The following WDR7 variants were observed in gnomAD, a reference collection of about 807,000 sequenced individuals.
The protein encoded by WDR7 is WD repeat domain 7, also known as WD repeat-containing protein 7.
Under a neutral mutation model 169.4 loss-of-function variants are expected in WDR7, and 46 were observed. That is an observed-to-expected ratio of 0.27 (90% CI 0.21 to 0.35). WDR7 has a LOEUF of 0.35. Among genes scored for constraint, WDR7 ranks in the 10% least tolerant of loss-of-function variants. The pLI is 1.00. For missense variants in WDR7, 1,534 were observed against 1,859.3 expected (o/e 0.83, Z 3.22); for synonymous variants, 612 against 666.8 (o/e 0.92, Z 1.27).
Position 56,783,559 on chromosome 18 carries a change from A to G in WDR7, c.3190+1903A>G, listed in dbSNP as rs537576576. ...AATGCTATTATGGAAATATTGAGAC[A>G]TTGGTGCTTTTAAGACATCTTTATT... On this transcript the variant is annotated intron_variant, in intron 19 of 27. Coordinates refer to ENST00000254442, the MANE Select transcript of WDR7 (RefSeq NM_015285.3). Among the ~76,000 whole-genome samples the G allele has an allele frequency of 3.9e-5, 6 of 152,294 alleles. No individual in the cohort carries two copies. In the East Asian group the frequency reaches 1.2e-3, roughly 29 times the overall value.
At chr18:56,733,373 C>T (rs1209802173) in intron 14 of WDR7, among the ~76,000 whole-genome samples, 1 of 152,128 alleles carries the variant, frequency 6.6e-6, no homozygotes, top group African/African-American at 2.4e-5. Flanking sequence ...ATTTAAAGAG[C>T]TGTCCTCTGG....
Position 56,657,127 on chromosome 18 carries a change from C to T in WDR7, c.-20+5551C>T, listed in dbSNP as rs2024793079. Among the ~76,000 whole-genome samples, 3 of 151,068 alleles carry T rather than the reference C, an allele frequency of 2.0e-5. No homozygotes were observed. In the South Asian group the frequency reaches 6.3e-4, roughly 32 times the overall value. On this transcript the variant is annotated intron_variant, in intron 1 of 27. Coordinates refer to ENST00000254442, the MANE Select transcript of WDR7 (RefSeq NM_015285.3). ...CCTTTATTCCTGGGTTTATCTGTTACATCTCCCTGTGACAGTTTTTTAATT... is the reference window on the plus strand; with the variant it reads ...CCTTTATTCCTGGGTTTATCTGTTATATCTCCCTGTGACAGTTTTTTAATT...
chr18:56,860,915 A>G (rs543454448), intron 20 of WDR7, among the ~76,000 whole-genome samples: 2 of 152,216 alleles, frequency 1.3e-5, no homozygotes, highest in South Asian at 2.1e-4. Context: ...TTTGTATCAT[A>G]TAATACATGA....
chr18:56,802,911 G>GT (rs144799605), intron 19 of WDR7, among the ~76,000 whole-genome samples: 1,778 of 144,650 alleles, frequency 0.012, 28 homozygotes, highest in Middle Eastern at 0.039. Flanking sequence ...TTTCTCCTGT[G>GT]TTTTTTTTTT....
intron 20 of WDR7, among the ~76,000 whole-genome samples, chr18:56,864,295 A>T (rs1183341510): frequency 6.6e-6 from 1 of 151,546 alleles, no homozygotes; most frequent in Non-Finnish European, 1.5e-5. Context: ...ATCAAATATC[A>T]TCTGGTTAAA....
At chr18:56,816,725 TAA>T (rs1217834513) in intron 20 of WDR7, among the ~76,000 whole-genome samples, 2 of 152,034 alleles carry the variant, frequency 1.3e-5, no homozygotes, top group Admixed American at 1.3e-4. Context: ...TTTATACTCT[TAA>T]GGCAGTTTCA....
rs912542840 is a variant in WDR7, at chr18:57,029,761, A to G, written c.*2554A>G. On this transcript the variant is annotated 3_prime_UTR_variant, in exon 28 of 28. Transcript: ENST00000254442. ...ATGTGTGCTGAATGTTCCTGTGTAC[A>G]TATGTGTGTTAAATAAAACAATTGT... 6.6e-5 allele frequency: 10 copies of G among 152,216 alleles called. No homozygotes were observed. The highest frequency in any genetic ancestry group is 2.2e-4 in the African/African-American group (9 of 41,456). The allele number at this position is 152,216 out of a possible 1,614,324, so 9.4% of individuals were successfully genotyped here.
intron 26 of WDR7, among the ~76,000 whole-genome samples, chr18:56,982,901 A>T (rs894676386): frequency 6.6e-6 from 1 of 152,198 alleles, no homozygotes; most frequent in African/African-American, 2.4e-5. Flanking sequence ...TCTAAAATCT[A>T]TGTCTGTCTT....
intron 1 of WDR7, among the ~76,000 whole-genome samples, chr18:56,666,975 A>ACAGAGCGTTATTTC (rs1159161685): frequency 6.6e-6 from 1 of 151,804 alleles, no homozygotes; most frequent in Non-Finnish European, 1.5e-5. Context: ...ACAGCAGGAG[A>ACAGAGCGTTATTTC]CAGAGCGTTA....
intron 19 of WDR7, among the ~76,000 whole-genome samples, chr18:56,802,008 T>C (rs1335224012): frequency 6.6e-6 from 1 of 152,196 alleles, no homozygotes; most frequent in African/African-American, 2.4e-5. Context: ...ATTGCTTAGT[T>C]ATATAAGAGT....
chr18:56,833,358 G>T (rs1305255006), intron 20 of WDR7, among the ~76,000 whole-genome samples: 1 of 152,008 alleles, frequency 6.6e-6, no homozygotes, highest in Admixed American at 6.6e-5. Context: ...GGGACTATGG[G>T]ACTATGGGAG....
chr18:56,841,487 A>G (rs1207279085), intron 20 of WDR7, among the ~76,000 whole-genome samples: 2 of 151,474 alleles, frequency 1.3e-5, no homozygotes, highest in Non-Finnish European at 2.9e-5. Flanking sequence ...TGGAGGTTGC[A>G]GTGAGCCAAG....
chr18:56,792,477 C>G (rs536520865), intron 19 of WDR7, among the ~76,000 whole-genome samples: 1 of 152,130 alleles, frequency 6.6e-6, no homozygotes, highest in Non-Finnish European at 1.5e-5. Context: ...ATAGTTTCTT[C>G]TTGTGTAAAA....
intron 23 of WDR7, 191 bp downstream of exon 23, chr18:56,936,096 T>C: frequency 1.2e-5 from 6 of 510,240 alleles, no homozygotes; most frequent in Non-Finnish European, 2.0e-5. Flanking sequence ...GGTGCATTCA[T>C]TACTTCTGCT....
chr18:56,849,247 G>C (rs553611630), intron 20 of WDR7, among the ~76,000 whole-genome samples: 1 of 152,080 alleles, frequency 6.6e-6, no homozygotes, highest in Admixed American at 6.6e-5. Flanking sequence ...CTAGAGTTTA[G>C]TTCTACTCTA....
intron 25 of WDR7, among the ~76,000 whole-genome samples, chr18:56,951,597 A>G (rs2047183913): frequency 6.6e-6 from 1 of 152,172 alleles, no homozygotes. Flanking sequence ...ATTCCCTAAA[A>G]TATGGAATTT....
chr18:56,820,513 T>TAG (rs2045076522), intron 20 of WDR7, among the ~76,000 whole-genome samples: 2 of 151,960 alleles, frequency 1.3e-5, no homozygotes, highest in East Asian at 3.8e-4. Context: ...TTTTGATTAC[T>TAG]CATTCAGGAG....
At chr18:56,698,366 G>A (rs574696512) in intron 12 of WDR7, among the ~76,000 whole-genome samples, 1 of 152,162 alleles carries the variant, frequency 6.6e-6, no homozygotes, top group East Asian at 1.9e-4. Flanking sequence ...CAGCACTTTG[G>A]GAGGCTGAGA....
At chr18:56,835,822 C>A (rs565909307) in intron 20 of WDR7, among the ~76,000 whole-genome samples, 12 of 152,100 alleles carry the variant, frequency 7.9e-5, no homozygotes, top group Non-Finnish European at 1.8e-4. Flanking sequence ...TTTTAAATAT[C>A]ACTTTAAGAA....
Sources: gnomAD v4.1 joint callset for allele counts (sites outside exome capture counted in the v4.1 genomes callset) on GRCh38, gnomAD v4.1.1 for gene constraint, MANE v1.5 for transcripts, NCBI Gene and HGNC (gene_info 2026-07-23, HGNC 2026-07-21) for gene names.